The following SWT1 variants were observed in gnomAD, a reference collection of about 807,000 sequenced individuals.
SWT1 encodes SWT1 RNA endoribonuclease homolog.
Under a neutral mutation model 107.3 loss-of-function variants are expected in SWT1, and 33 were observed. The observed-to-expected ratio is 0.31, with a 90% CI of 0.23 to 0.41. The LOEUF (loss-of-function observed/expected upper bound fraction) is 0.41, where lower values mean the gene tolerates loss of function less well. Ranked by LOEUF, SWT1 falls within the 10% of genes least tolerant of loss-of-function variation. SWT1 has a pLI of 1.00. For missense variants in SWT1, 898 were observed against 1,028.9 expected, an observed-to-expected ratio of 0.87 and a Z score of 1.74; for synonymous variants, 345 against 348.3, an observed-to-expected ratio of 0.99 and a Z score of 0.11.
At chr1:185,288,841 G>T (rs1350277976) in intron 18 of SWT1, among the ~76,000 whole-genome samples, 2 of 152,118 alleles carry the variant, frequency 1.3e-5, no homozygotes, top group African/African-American at 4.8e-5. Context: ...TACAATTTGG[G>T]ATTCCACAAT....
At chr1:185,220,554 A>G (rs1268097447) in intron 14 of SWT1, among the ~76,000 whole-genome samples, 1 of 152,014 alleles carries the variant, frequency 6.6e-6, no homozygotes, top group Non-Finnish European at 1.5e-5. Flanking sequence ...TTCATCTCCT[A>G]AGACTTGTCT....
At chr1:185,227,316 T>C (rs1660142635) in intron 15 of SWT1, 1 of 739,650 alleles carries the variant, frequency 1.4e-6, no homozygotes, top group Non-Finnish European at 2.5e-6. Context: ...ATTGTATTCA[T>C]TGCCAGTCTC....
chr1:185,204,933 T>C lies in SWT1; in HGVS notation c.1833+70T>C, dbSNP rs988387736. The stretch of plus-strand genomic sequence containing the variant: ...TGAAGATTTGTTATCTTAAGAAATA[T>C]TACTTGTATAAAATGCATACGCTTC... On this transcript the variant is annotated intron_variant, in intron 12 of 18. Transcript: ENST00000367500. 4 of 914,876 alleles carry C rather than the reference T, an allele frequency of 4.4e-6. No homozygotes were observed. The African/African-American group carries it at 6.9e-5, about 16-fold the overall frequency. The allele number at this position is 914,876 out of a possible 1,614,324, so 56.7% of individuals were successfully genotyped here.
intron 16 of SWT1, among the ~76,000 whole-genome samples, chr1:185,257,559 A>G (rs1201138915): frequency 6.6e-6 from 1 of 151,640 alleles, no homozygotes. Context: ...CGCGTCTGTC[A>G]CCCCTTTCTT....
At chr1:185,169,437 C>T (rs1466223765) in intron 4 of SWT1, among the ~76,000 whole-genome samples, 1 of 151,948 alleles carries the variant, frequency 6.6e-6, no homozygotes. Context: ...CGTATTAATT[C>T]AGCTCTAGAG....
chr1:185,223,515 A>AC (rs1659832107), intron 15 of SWT1, among the ~76,000 whole-genome samples: 1 of 151,972 alleles, frequency 6.6e-6, no homozygotes, highest in Non-Finnish European at 1.5e-5. Flanking sequence ...AGCCACTCTA[A>AC]CTGGAGTGAG....
At chr1:185,228,167 G>GTATATATATATATATATATA (rs1157576166) in intron 15 of SWT1, among the ~76,000 whole-genome samples, 2 of 61,568 alleles carry the variant, frequency 3.2e-5, no homozygotes, top group African/African-American at 2.2e-4. Flanking sequence ...AAAAAAAAAT[G>GTATATATATATATATATATA]TGTATATATA....
At chr1:185,273,560 G>T (rs552560054) in intron 17 of SWT1, among the ~76,000 whole-genome samples, 1 of 150,910 alleles carries the variant, frequency 6.6e-6, no homozygotes, top group East Asian at 2.0e-4. Flanking sequence ...AAAATTAGCC[G>T]GGTATGGTGG....
intron 17 of SWT1, 100 bp downstream of exon 17, chr1:185,271,489 T>A (rs951810706): frequency 1.1e-5 from 7 of 634,512 alleles, no homozygotes; most frequent in Non-Finnish European, 1.7e-5. Context: ...GGAATGCTAT[T>A]TAATTGATAT....
Position 185,175,031 on chromosome 1 carries a change from G to A in SWT1, c.884G>A (p.Arg295Gln), listed in dbSNP as rs1009131902. ...EHLLSDFTYK[R>Q]TVHEWKRKHH... is the part of the protein sequence containing the mutation. Reference sequence around the variant, plus strand: ...TTACTTTCAGATTTTACATATAAGCGGACTGTTCATGAGTGGAAACGAAAA... The same window carrying A: ...TTACTTTCAGATTTTACATATAAGCAGACTGTTCATGAGTGGAAACGAAAA... The change falls in exon 5 of 19, where the codon CGG (arginine) becomes CAG (glutamine). Residue 295 changes from arginine to glutamine, a missense_variant. This residue lies in a region of SWT1 where 382 missense variants were observed against 362.4 expected (regional missense o/e 1.05). Coordinates refer to ENST00000367500, the MANE Select transcript of SWT1 (RefSeq NM_017673.7). 2.2e-5 allele frequency: 36 copies of A among 1,612,574 alleles called. No individual in the cohort carries two copies. Among genetic ancestry groups the A allele is most frequent in the Middle Eastern group, 1.6e-4 (1 of 6,080 alleles).
chr1:185,241,869 G>A (rs978840161), intron 16 of SWT1, among the ~76,000 whole-genome samples: 9 of 152,074 alleles, frequency 5.9e-5, no homozygotes, highest in African/African-American at 2.2e-4. Flanking sequence ...AAAATCAGGA[G>A]GAAGGAGAAA....
intron 4 of SWT1, chr1:185,171,721 A>T (rs1263676054): frequency 4.3e-6 from 2 of 462,482 alleles, no homozygotes; most frequent in Non-Finnish European, 8.5e-6. Flanking sequence ...GGTGGCAGTG[A>T]AGGCAGAAAG....
intron 5 of SWT1, chr1:185,176,640 A>C: frequency 1.0e-6 from 1 of 985,406 alleles, no homozygotes; most frequent in Non-Finnish European, 1.2e-6. Context: ...TGAAATGTAG[A>C]GACCACTGAT....
chr1:185,216,955 A>G (rs1473888209), intron 14 of SWT1, among the ~76,000 whole-genome samples: 2 of 151,410 alleles, frequency 1.3e-5, no homozygotes, highest in African/African-American at 4.9e-5. Context: ...CCATTTCAAA[A>G]AAAAAAAAAA....
At chr1:185,238,880 T>A (rs7550599) in intron 16 of SWT1, among the ~76,000 whole-genome samples, 68,560 of 151,856 alleles carry the variant, frequency 0.45, 17,287 homozygotes, top group African/African-American at 0.69. Flanking sequence ...CTAAATATTG[T>A]TTTAAAATTT....
intron 1 of SWT1, among the ~76,000 whole-genome samples, chr1:185,158,643 G>T (rs1312773527): frequency 6.6e-6 from 1 of 151,976 alleles, no homozygotes; most frequent in African/African-American, 2.4e-5. Flanking sequence ...TCAGATTTTA[G>T]TGTCTGGATT....
intron 16 of SWT1, among the ~76,000 whole-genome samples, chr1:185,266,016 A>G (rs1158625631): frequency 1.3e-5 from 2 of 152,174 alleles, no homozygotes; most frequent in Admixed American, 1.3e-4. Flanking sequence ...GTCATTATTT[A>G]TAAATATCCA....
At chr1:185,199,341 T>C (rs1657675510) in intron 10 of SWT1, among the ~76,000 whole-genome samples, 2 of 152,194 alleles carry the variant, frequency 1.3e-5, no homozygotes, top group Non-Finnish European at 1.5e-5. Context: ...TTCTTCATAG[T>C]GTCGATGGTC....
At chr1:185,239,974 A>G (rs1661150955) in intron 16 of SWT1, among the ~76,000 whole-genome samples, 3 of 152,090 alleles carry the variant, frequency 2.0e-5, no homozygotes, top group Non-Finnish European at 4.4e-5. Flanking sequence ...TTAAACTGTC[A>G]TCTTTGCAGA....
Sources: gnomAD v4.1 joint callset for allele counts (sites outside exome capture counted in the v4.1 genomes callset) on GRCh38, gnomAD v4.1.1 for gene constraint, gnomAD v4.1.1 regional missense constraint, MANE v1.5 for transcripts, NCBI Gene and HGNC (gene_info 2026-07-23, HGNC 2026-07-21) for gene names.